The following CATSPERB variants were observed in gnomAD, a reference collection of about 807,000 sequenced individuals.
CATSPERB encodes the protein catsper channel auxiliary subunit beta.
Under a neutral mutation model 128.3 loss-of-function variants are expected in CATSPERB, and 93 were observed. The observed-to-expected ratio is 0.72, with a 90% CI of 0.61 to 0.86. CATSPERB has a LOEUF of 0.86. Among genes scored for constraint, CATSPERB ranks in the 40% least tolerant of loss-of-function variants. The pLI, the probability that CATSPERB is intolerant of heterozygous loss-of-function variation, is 0.00. For missense variants in CATSPERB, 1,153 were observed against 1,329.5 expected (o/e 0.87, Z 2.06); for synonymous variants, 381 against 448.8 (o/e 0.85, Z 1.91).
In CATSPERB at chr14:91,666,111, G is replaced by C. The variant is rs537283542; in HGVS notation, c.1287+3703C>G. The stretch of plus-strand genomic sequence containing the variant: ...CTCAGCAGTCTACTCTAGATCTCTT[G>C]AACTTTCTAGCTAATCAAGGGTACA... On this transcript the variant is annotated intron_variant, in intron 14 of 26. Transcript: ENST00000256343. Among the ~76,000 whole-genome samples, 5 of 152,268 alleles carry C rather than the reference G, an allele frequency of 3.3e-5. No individual in the cohort carries two copies. In the South Asian group the frequency reaches 1.0e-3, roughly 32 times the overall value.
intron 25 of CATSPERB, 70 bp from the exon 26 acceptor site, chr14:91,587,346 AT>A (rs1893321108): frequency 1.7e-6 from 2 of 1,151,750 alleles, no homozygotes; most frequent in East Asian, 5.2e-5. Context: ...TAATAAAAAT[AT>A]ACCCTGGGGC....
At chr14:91,693,067 C>A (rs1347396415) in intron 9 of CATSPERB, 59 bp downstream of exon 9, 1 of 1,157,388 alleles carries the variant, frequency 8.6e-7, no homozygotes, top group South Asian at 1.3e-5. Flanking sequence ...TTAAATATTT[C>A]TTTTTGTGTC....
At chr14:91,612,017 T>TTTCC (rs1893838424) in intron 20 of CATSPERB, among the ~76,000 whole-genome samples, 1 of 64,290 alleles carries the variant, frequency 1.6e-5, no homozygotes, top group Non-Finnish European at 3.6e-5. Flanking sequence ...TACTGTTTTC[T>TTTCC]TTCTTTCTTT....
chr14:91,702,675 A>AACGC (rs1895669506), intron 7 of CATSPERB, among the ~76,000 whole-genome samples: 1 of 145,500 alleles, frequency 6.9e-6, no homozygotes, highest in African/African-American at 2.6e-5. Flanking sequence ...CAAAAAAGAA[A>AACGC]ACACACACAC....
rs558817124 is a variant in CATSPERB at position 91,606,314 on chromosome 14, G to A, written c.2709+1980C>T. Among the ~76,000 whole-genome samples, 13 of 152,144 alleles carry A rather than the reference G, an allele frequency of 8.5e-5. No individual in the cohort carries two copies. The South Asian group carries it at 2.7e-3, about 31-fold the overall frequency. On this transcript the variant is annotated intron_variant, in intron 22 of 26. Coordinates refer to ENST00000256343, the MANE Select transcript of CATSPERB (RefSeq NM_024764.4). Reference sequence around the variant, plus strand: ...GCAGTGGCTCATGCCTATAAACTCAGCACTTTGAGAAGCCGAGGTGAATGG... The same window carrying A: ...GCAGTGGCTCATGCCTATAAACTCAACACTTTGAGAAGCCGAGGTGAATGG...
chr14:91,663,913 T>C (rs950442625), intron 14 of CATSPERB, among the ~76,000 whole-genome samples: 1 of 152,160 alleles, frequency 6.6e-6, no homozygotes. Flanking sequence ...ATTACTAGCA[T>C]TCCCCAACAA....
In CATSPERB at chr14:91,730,970, G is replaced by T. The variant is rs112873102; in HGVS notation, c.-1+960C>A. On this transcript the variant is annotated intron_variant, in intron 1 of 26. Transcript: ENST00000256343. ...GAAACAAATGGTAGATTAAAATTCTGTCGGCATGGTGCAATGCTCAAGTAT... is the reference window on the plus strand; with the variant it reads ...GAAACAAATGGTAGATTAAAATTCTTTCGGCATGGTGCAATGCTCAAGTAT... 6.0e-3 allele frequency among the ~76,000 whole-genome samples: 917 copies of T among 152,260 alleles called. 14 individuals are homozygous for T. The highest frequency in any genetic ancestry group is 0.021 in the African/African-American group (861 of 41,552).
chr14:91,629,485 A>T (rs978841452), intron 17 of CATSPERB, among the ~76,000 whole-genome samples: 1 of 152,188 alleles, frequency 6.6e-6, no homozygotes, highest in Non-Finnish European at 1.5e-5. Context: ...TTGAATTTGC[A>T]ACACTAAGAG....
rs1237957147 is a variant in CATSPERB at position 91,729,389 on chromosome 14, T to G, written c.79+12A>C. ...GAGAAGGAAATAGAGAGTAAGATGG[T>G]CTGAAACTTACCTTTATTATATACT... On this transcript the variant is annotated intron_variant, in intron 2 of 26. Transcript: ENST00000256343. The G allele has an allele frequency of 1.9e-5, 23 of 1,235,854 alleles. No individual in the cohort carries two copies. Among genetic ancestry groups the G allele is most frequent in the Non-Finnish European group, 2.6e-5 (23 of 870,740 alleles). The allele number at this position is 1,235,854 out of a possible 1,614,324, so 76.6% of individuals were successfully genotyped here.
chr14:91,633,420 T>TA (rs758731148), intron 17 of CATSPERB, among the ~76,000 whole-genome samples: 440 of 146,332 alleles, frequency 3.0e-3, no homozygotes, highest in African/African-American at 0.01. Context: ...TCCAGAAAAT[T>TA]AAAAAAAAAA....
intron 9 of CATSPERB, among the ~76,000 whole-genome samples, chr14:91,692,434 AC>A (rs1178995062): frequency 6.6e-6 from 1 of 152,048 alleles, no homozygotes; most frequent in Admixed American, 6.6e-5. Context: ...CATTTTAAAA[AC>A]CCCAGATCCC....
In CATSPERB at chr14:91,646,390, C is replaced by T. The variant is rs373722047; in HGVS notation, c.1433-7140G>A. ...GCCACTGTCATCTCTCTTGTGCCTC[C>T]GAATTGGTCTCTGTGATTCTGCCCA... On this transcript the variant is annotated intron_variant, in intron 15 of 26. Coordinates refer to ENST00000256343, the MANE Select transcript of CATSPERB (RefSeq NM_024764.4). Among the ~76,000 whole-genome samples the T allele has an allele frequency of 3.3e-5, 5 of 152,140 alleles. No homozygotes were observed. In the South Asian group the frequency reaches 8.3e-4, roughly 25 times the overall value.
At chr14:91,625,498 A>G (rs938294975) in intron 17 of CATSPERB, among the ~76,000 whole-genome samples, 2 of 152,238 alleles carry the variant, frequency 1.3e-5, no homozygotes, top group African/African-American at 4.8e-5. Flanking sequence ...AGTGAATGAT[A>G]TTACATGATT....
intron 5 of CATSPERB, chr14:91,710,441 GTGATGGAA>G (rs1370005310): frequency 6.6e-6 from 1 of 152,046 alleles, no homozygotes; most frequent in Non-Finnish European, 1.5e-5. Context: ...CTAATACTAT[GTGATGGAA>G]TGAATGGGTA....
chr14:91,699,258 T>C (rs1895608452), intron 7 of CATSPERB, among the ~76,000 whole-genome samples: 7 of 152,188 alleles, frequency 4.6e-5, no homozygotes, highest in Admixed American at 3.3e-4. Context: ...GATCTACTTG[T>C]AGTTCTTTAA....
intron 22 of CATSPERB, among the ~76,000 whole-genome samples, chr14:91,605,798 G>A (rs1334800781): frequency 6.6e-6 from 1 of 152,148 alleles, no homozygotes; most frequent in Non-Finnish European, 1.5e-5. Flanking sequence ...TGACTCAGAA[G>A]CATTTCCTCT....
intron 7 of CATSPERB, among the ~76,000 whole-genome samples, chr14:91,703,816 G>T (rs1895691824): frequency 6.6e-6 from 1 of 152,162 alleles, no homozygotes; most frequent in Admixed American, 6.5e-5. Flanking sequence ...ACGTTCCCCT[G>T]AGTTCTGTGA....
In CATSPERB at chr14:91,580,935, C is replaced by A; in HGVS notation, c.3305G>T (p.Ser1102Ile). ...WIRRNQEKFS[S>I]ISLSELIHRS... ...ATGAATCAGCTCACTGAGAGAGATA[C>A]TTGAAAACTTCTCTTGGTTTCTTCT... is the stretch of plus-strand genomic sequence containing the variant. Residue 1102 changes from serine to isoleucine, a missense_variant, in exon 27 of 27, where the codon AGT (serine) becomes ATT (isoleucine). By Grantham distance (142) the Ser-to-Ile change is moderately radical (BLOSUM62 -2). Coordinates refer to ENST00000256343, the MANE Select transcript of CATSPERB (RefSeq NM_024764.4). 1 of 1,614,206 alleles carries A rather than the reference C, an allele frequency of 6.2e-7. No homozygotes were observed.
In CATSPERB at chr14:91,621,592, A is replaced by G; in HGVS notation, c.2260+16T>C. 1.3e-6 allele frequency: 2 copies of G among 1,523,562 alleles called. No individual in the cohort carries two copies. The highest frequency in any genetic ancestry group is 1.8e-6 in the Non-Finnish European group (2 of 1,128,152). The allele number at this position is 1,523,562 out of a possible 1,614,324, so 94.4% of individuals were successfully genotyped here. Reference sequence around the variant, plus strand: ...TAACATTTCCTTTTTATATTTTCCGATCAAAACAAACTTACCTTTTGCATT... The same window carrying G: ...TAACATTTCCTTTTTATATTTTCCGGTCAAAACAAACTTACCTTTTGCATT... On this transcript the variant is annotated intron_variant, in intron 19 of 26. Coordinates refer to ENST00000256343, the MANE Select transcript of CATSPERB (RefSeq NM_024764.4).
Sources: allele counts gnomAD v4.1 joint callset (sites outside exome capture counted in the v4.1 genomes callset), GRCh38; gene constraint gnomAD v4.1.1; transcripts MANE v1.5; gene names NCBI Gene and HGNC (gene_info 2026-07-23, HGNC 2026-07-21).